Variants in TYW1 observed in about 807,000 individuals in gnomAD.
The protein encoded by TYW1 is tRNA-yW synthesizing protein 1 homolog.
Under a neutral mutation model 96.2 loss-of-function variants are expected in TYW1, and 46 were observed. That is an observed-to-expected ratio of 0.48 (90% confidence interval 0.38 to 0.61). The LOEUF (loss-of-function observed/expected upper bound fraction) is 0.61. TYW1 is among the 20% of genes least tolerant of loss of function. TYW1 has a pLI of 0.00. For missense variants in TYW1, 684 were observed against 909.6 expected (o/e 0.75, Z 3.19); for synonymous variants, 274 against 323.0 (o/e 0.85, Z 1.63).
chr7:67,049,119 TC>T (rs1483537984), intron 7 of TYW1, among the ~76,000 whole-genome samples: 2 of 152,266 alleles, frequency 1.3e-5, no homozygotes, highest in Non-Finnish European at 2.9e-5. Context: ...AGTACTTTTT[TC>T]ATTTGTTTTT....
intron 13 of TYW1, among the ~76,000 whole-genome samples, chr7:67,180,503 CAATTAATTATT>C (rs1799806870): frequency 6.7e-6 from 1 of 148,624 alleles, no homozygotes; most frequent in Non-Finnish European, 1.5e-5. Context: ...ATATTATTTA[CAATTAATTATT>C]TTTCGTATAT....
chr7:67,161,128 T>G (rs1240928336), intron 13 of TYW1, among the ~76,000 whole-genome samples: 1 of 152,258 alleles, frequency 6.6e-6, no homozygotes, highest in Non-Finnish European at 1.5e-5. Context: ...TTAGCATAGC[T>G]TTATAGTAAG....
intron 9 of TYW1, among the ~76,000 whole-genome samples, chr7:67,059,105 T>G (rs1408517987): frequency 4.7e-5 from 7 of 149,884 alleles, no homozygotes; most frequent in Non-Finnish European, 1.0e-4. Flanking sequence ...AGTTTTTTTT[T>G]TTTTTTTTTT....
At chr7:67,167,468 CAAAAAAAAAAAA>C (rs869281504) in intron 13 of TYW1, among the ~76,000 whole-genome samples, 18 of 78,826 alleles carry the variant, frequency 2.3e-4, no homozygotes, top group African/African-American at 7.0e-4. Context: ...GACTCTGTCT[CAAAAAAAAAAAA>C]AAAAAAAAAA....
chr7:67,128,377 A>G (rs28380726), intron 13 of TYW1, among the ~76,000 whole-genome samples: 42,070 of 151,762 alleles, frequency 0.28, 6,662 homozygotes, highest in African/African-American at 0.44. Flanking sequence ...CAGCATTTCG[A>G]TTTTGTTCTT....
intron 2 of TYW1, among the ~76,000 whole-genome samples, chr7:66,998,575 G>A (rs1168312266): frequency 1.3e-5 from 2 of 152,130 alleles, no homozygotes; most frequent in Non-Finnish European, 2.9e-5. Flanking sequence ...AGTATGTAAA[G>A]TTTTTTCTTG....
intron 10 of TYW1, among the ~76,000 whole-genome samples, chr7:67,078,986 G>A (rs1238862502): frequency 9.2e-5 from 14 of 152,122 alleles, no homozygotes; most frequent in Admixed American, 5.2e-4. Context: ...GAGCCACCGC[G>A]CCTGGCTGAG....
chr7:67,080,874 C>A (rs181943645), intron 10 of TYW1, among the ~76,000 whole-genome samples: 490 of 144,180 alleles, frequency 3.4e-3, no homozygotes, highest in Middle Eastern at 7.8e-3. Flanking sequence ...CATTTACATT[C>A]AAGGTTATTC....
intron 15 of TYW1, among the ~76,000 whole-genome samples, chr7:67,234,675 G>C (rs779554900): frequency 6.6e-6 from 1 of 152,164 alleles, no homozygotes; most frequent in Non-Finnish European, 1.5e-5. Flanking sequence ...AGAGCAGTCA[G>C]TTGTCAGATT....
rs781129560 is a variant in TYW1, at chr7:67,018,102, G to A, written c.820G>A (p.Gly274Arg). 2.5e-6 allele frequency: 4 copies of A among 1,614,110 alleles called. No homozygotes were observed. The highest frequency in any genetic ancestry group is 3.4e-6 in the Non-Finnish European group (4 of 1,180,040). Residue 274 changes from glycine (G) to arginine (R), a missense_variant, in exon 6 of 16, where the codon GGA (glycine) becomes AGA (arginine). Transcript: ENST00000359626. ...HQHGSEEREE[G>R]SHEQDELHHR... ...ACATGGCTCAGAGGAGAGGGAGGAAGGATCTCATGAGCAGGATGAATTGCA... is the reference window on the plus strand; with the variant it reads ...ACATGGCTCAGAGGAGAGGGAGGAAAGATCTCATGAGCAGGATGAATTGCA...
At chr7:67,143,759 C>T (rs979738921) in intron 13 of TYW1, among the ~76,000 whole-genome samples, 1 of 152,222 alleles carries the variant, frequency 6.6e-6, no homozygotes, top group African/African-American at 2.4e-5. Context: ...ATCTAGCTGT[C>T]CACAAGCTGG....
At chr7:67,143,480 C>G (rs1284125100) in intron 13 of TYW1, among the ~76,000 whole-genome samples, 1 of 152,196 alleles carries the variant, frequency 6.6e-6, no homozygotes, top group East Asian at 1.9e-4. Flanking sequence ...GCTTTCCCTC[C>G]ACTCTGACCT....
At chr7:67,223,898 G>T (rs1801475322) in intron 15 of TYW1, among the ~76,000 whole-genome samples, 1 of 151,618 alleles carries the variant, frequency 6.6e-6, no homozygotes, top group Non-Finnish European at 1.5e-5. Flanking sequence ...TTCCAAAATA[G>T]TTACATCAGA....
intron 3 of TYW1, among the ~76,000 whole-genome samples, chr7:67,008,230 G>A (rs1038960078): frequency 6.6e-6 from 1 of 152,206 alleles, no homozygotes; most frequent in African/African-American, 2.4e-5. Flanking sequence ...TTCTGGCCGT[G>A]TCTTCTCCCC....
At chr7:67,149,772 A>ATCTATCTATCTATCTATCTC (rs757104825) in intron 13 of TYW1, among the ~76,000 whole-genome samples, 1 of 82,882 alleles carries the variant, frequency 1.2e-5, no homozygotes, top group Non-Finnish European at 2.5e-5. Context: ...CTATCTATCT[A>ATCTATCTATCTATCTATCTC]TCTCTCTATG....
intron 13 of TYW1, among the ~76,000 whole-genome samples, chr7:67,177,438 G>T (rs1799707883): frequency 6.6e-6 from 1 of 151,922 alleles, no homozygotes; most frequent in Non-Finnish European, 1.5e-5. Context: ...GCCATAAAGT[G>T]GATGAAATTA....
intron 15 of TYW1, among the ~76,000 whole-genome samples, chr7:67,205,653 G>C (rs1253939142): frequency 2.6e-5 from 4 of 152,028 alleles, no homozygotes; most frequent in African/African-American, 9.7e-5. Context: ...GGGAATCTAG[G>C]TTCCCCACTC....
intron 11 of TYW1, among the ~76,000 whole-genome samples, chr7:67,085,624 A>T (rs1401878510): frequency 6.6e-6 from 1 of 152,152 alleles, no homozygotes; most frequent in Non-Finnish European, 1.5e-5. Context: ...TGAGAAATGG[A>T]GAAAAGTCAT....
intron 3 of TYW1, among the ~76,000 whole-genome samples, chr7:67,009,306 T>A (rs1793709000): frequency 6.6e-6 from 1 of 152,210 alleles, no homozygotes; most frequent in Non-Finnish European, 1.5e-5. Flanking sequence ...CTGATATGTT[T>A]ACTCTAGTAG....
Sources: gnomAD v4.1 joint callset for allele counts (sites outside exome capture counted in the v4.1 genomes callset) on GRCh38, gnomAD v4.1.1 for gene constraint, MANE v1.5 for transcripts, NCBI Gene and HGNC (gene_info 2026-07-23, HGNC 2026-07-21) for gene names.